Variants in PRR36 observed in about 807,000 individuals in gnomAD.
PRR36 encodes the protein proline-rich protein 36.
A neutral mutation model predicts 58.6 loss-of-function variants in PRR36; 30 were observed. That is an observed-to-expected ratio of 0.51 (90% CI 0.38 to 0.69). The LOEUF is 0.69. PRR36 is among the 30% of genes least tolerant of loss of function. The probability of loss-of-function intolerance (pLI) is 0.00; values close to 1 mark genes in which losing one functional copy is unlikely to be tolerated. For missense variants in PRR36, 1,692 were observed against 1,805.6 expected (o/e 0.94, Z 1.14); for synonymous variants, 771 against 829.3 (o/e 0.93, Z 1.21).
In PRR36 at chr19:7,871,311, G is replaced by T. The variant is rs1016441321; in HGVS notation, c.1933C>A (p.Arg645=). The T allele has an allele frequency of 2.6e-6, 4 of 1,529,808 alleles. No homozygotes were observed. The African/African-American group carries it at 5.5e-5, about 21-fold the overall frequency. The allele number at this position is 1,529,808 out of a possible 1,614,324, so 94.8% of individuals were successfully genotyped here. ...GAATCAGGGGGAGTAGAGGCCGGCC[G>T]AGAAGGTGAGATCAAAGAAGCTTGG... ...QTQASLISPS[R]PASTPPDSPP... is the part of the protein sequence containing the mutation. The change falls in exon 5 of 6, where the codon CGG becomes AGG. Residue 645 remains arginine, a synonymous_variant. Transcript: ENST00000618550.
Position 7,870,749 on chromosome 19 carries a change from G to A in PRR36, c.2495C>T (p.Pro832Leu), listed in dbSNP as rs539871053. The A allele has an allele frequency of 1.3e-4, 181 of 1,407,396 alleles. 1 individual carries two copies. In the Middle Eastern group the frequency reaches 1.7e-3, roughly 13 times the overall value. 87.2% of individuals were successfully genotyped at this position (1,407,396 alleles called of 1,614,324 possible). Residue 832 changes from proline to leucine, a missense_variant, in exon 5 of 6, where the codon CCT becomes CTT. Pro to Leu is a moderately conservative substitution (Grantham distance 98). This residue lies in a region of PRR36 where 171 missense variants were observed against 146.2 expected (regional missense o/e 1.17). Transcript: ENST00000618550. The part of the protein sequence containing the change: ...SPPLQGLPSP[P>L]LSPLATPPPQ... The stretch of plus-strand genomic sequence containing the variant: ...AGGGGGCGTGGCCAAAGGAGACAGA[G>A]GGGGAGAGGGCAGGCCCTGCAAAGG...
Position 7,870,863 on chromosome 19 carries a change from G to A in PRR36, c.2381C>T (p.Pro794Leu). Residue 794 changes from proline (P) to leucine (L), a missense_variant, in exon 5 of 6, where the codon CCA becomes CTA. This residue lies in a region of PRR36 where 171 missense variants were observed against 146.2 expected (regional missense o/e 1.17). Transcript: ENST00000618550. ...PCPAPCPLQA[P>L]PSPLTTPPPE... The stretch of plus-strand genomic sequence containing the variant: ...AGGGGGCGTGGTCAATGGCGAAGGT[G>A]GTGCTTGCAGAGGGCATGGGGCTGG... 14 of 1,445,464 alleles carry A rather than the reference G, an allele frequency of 9.7e-6. No individual in the cohort carries two copies. The highest frequency in any genetic ancestry group is 4.4e-5 in the South Asian group (3 of 68,454). The allele number at this position is 1,445,464 out of a possible 1,614,324, so 89.5% of individuals were successfully genotyped here.
chr19:7,872,693 C>T lies in PRR36; in HGVS notation c.551G>A (p.Gly184Asp). ...TGGCCGGGGGAGCCCCACCTCGGTG[C>T]CCGCAGCCCGGGACCGACGGGCCAT... The part of the protein sequence containing the change: ...PAMARRSRAA[G>D]TEVGLPRPAP... Residue 184 changes from glycine (G) to aspartate (D), a missense_variant, in exon 5 of 6, where the codon GGC becomes GAC. By Grantham distance (94) the Gly-to-Asp change is moderately conservative (BLOSUM62 -1). Around this residue, in one of 5 missense-constraint regions of PRR36, gnomAD observed 975 missense variants for 955.2 expected, o/e 1.02. Transcript: ENST00000618550. The surrounding 1 kb of genome is among the most constrained non-coding windows in gnomAD (Gnocchi z 6.1). 2 of 1,447,788 alleles carry T rather than the reference C, an allele frequency of 1.4e-6. No individual in the cohort carries two copies. Among genetic ancestry groups the T allele is most frequent in the Non-Finnish European group, 1.8e-6 (2 of 1,105,632 alleles). 89.7% of individuals were successfully genotyped at this position (1,447,788 alleles called of 1,614,324 possible).
Position 7,871,470 on chromosome 19 carries a change from G to A in PRR36, c.1774C>T (p.His592Tyr). 1 of 1,535,606 alleles carries A rather than the reference G, an allele frequency of 6.5e-7. No individual in the cohort carries two copies. The change falls in exon 5 of 6, where the codon CAT becomes TAT. Residue 592 changes from histidine (H) to tyrosine (Y), a missense_variant. Coordinates refer to ENST00000618550, the MANE Select transcript of PRR36 (RefSeq NM_001190467.2). Reference protein sequence around the residue: ...LQTIPPIQVPHSLTSPSLQAP... With the variant: ...LQTIPPIQVPYSLTSPSLQAP... ...TGCAGAGACGGTGAGGTCAGAGAATGTGGGACCTGTATTGGGGGAATGGTC... is the reference window on the plus strand; with the variant it reads ...TGCAGAGACGGTGAGGTCAGAGAATATGGGACCTGTATTGGGGGAATGGTC...
Position 7,871,258 on chromosome 19 carries a change from A to T in PRR36, c.1986T>A (p.Leu662=). 6.8e-7 allele frequency: 1 copy of T among 1,460,834 alleles called. No homozygotes were observed. The highest frequency in any genetic ancestry group is 1.2e-5 in the South Asian group (1 of 82,400). The allele number at this position is 1,460,834 out of a possible 1,614,324, so 90.5% of individuals were successfully genotyped here. A position where few individuals can be genotyped will look rare whatever the true frequency, so the allele number is the denominator to read the frequency against. The stretch of plus-strand genomic sequence containing the variant: ...AAGTCTGCAGAGGGGGTGAGGCAGG[A>T]AGGGAAAGAGGGGCCTGCAGAGGGG... ...DSPPLQAPLS[L]PASPPLQTSL... Residue 662 remains leucine, a synonymous_variant, in exon 5 of 6, where the codon CTT becomes CTA. Coordinates refer to ENST00000618550, the MANE Select transcript of PRR36 (RefSeq NM_001190467.2).
rs531574127 is a variant in PRR36, at chr19:7,869,025, G to T, written c.*8C>A. On this transcript the variant is annotated 3_prime_UTR_variant, in exon 6 of 6. Coordinates refer to ENST00000618550, the MANE Select transcript of PRR36 (RefSeq NM_001190467.2). The stretch of plus-strand genomic sequence containing the variant: ...GGTGGGGTGTAGCAGGCGGGGCTGT[G>T]GTCTGGCTCAGTGGAAGGTCTCCAC... 421 of 1,506,512 alleles carry T rather than the reference G, an allele frequency of 2.8e-4. 3 individuals carry two copies. In the African/African-American group the frequency reaches 5.5e-3, roughly 20 times the overall value. 93.3% of individuals were successfully genotyped at this position (1,506,512 alleles called of 1,614,324 possible). A position where few individuals can be genotyped will look rare whatever the true frequency, so the allele number is the denominator to read the frequency against.
chr19:7,872,700 C>T lies in PRR36; in HGVS notation c.544G>A (p.Ala182Thr). The change falls in exon 5 of 6, where the codon GCT (alanine) becomes ACT (threonine). Residue 182 changes from alanine to threonine, a missense_variant. Ala to Thr is a moderately conservative substitution (Grantham distance 58). This residue lies in a region of PRR36 where 975 missense variants were observed against 955.2 expected (regional missense o/e 1.02). Coordinates refer to ENST00000618550, the MANE Select transcript of PRR36 (RefSeq NM_001190467.2). This position sits in a 1 kb window ranked among gnomAD's most constrained non-coding sequence, Gnocchi z 6.1. Reference protein sequence around the residue: ...PSPAMARRSRAAGTEVGLPRP... With the variant: ...PSPAMARRSRTAGTEVGLPRP... ...GGGAGCCCCACCTCGGTGCCCGCAG[C>T]CCGGGACCGACGGGCCATGGCCGGG... is the stretch of plus-strand genomic sequence containing the variant. 6.9e-7 allele frequency: 1 copy of T among 1,448,864 alleles called. No homozygotes were observed. Among genetic ancestry groups the T allele is most frequent in the African/African-American group, 1.4e-5 (1 of 70,014 alleles). 89.8% of individuals were successfully genotyped at this position (1,448,864 alleles called of 1,614,324 possible).
Position 7,872,140 on chromosome 19 carries a change from C to T in PRR36, c.1104G>A (p.Thr368=). Residue 368 remains threonine, a synonymous_variant, in exon 5 of 6, where the codon ACG becomes ACA. Transcript: ENST00000618550. This position sits in a 1 kb window ranked among gnomAD's most constrained non-coding sequence, Gnocchi z 6.1. ...HSSSLTCQLA[T]PLPLAPPSPS... is the part of the protein sequence containing the mutation. Reference sequence around the variant, plus strand: ...GAGAAGGAGGGGCTAGAGGAAGGGGCGTGGCCAACTGACAGGTAAGGCTCG... The same window carrying T: ...GAGAAGGAGGGGCTAGAGGAAGGGGTGTGGCCAACTGACAGGTAAGGCTCG... The T allele has an allele frequency of 6.7e-7, 1 of 1,486,452 alleles. No homozygotes were observed. 92.1% of individuals were successfully genotyped at this position (1,486,452 alleles called of 1,614,324 possible).
In PRR36 at chr19:7,872,080, A is replaced by T; in HGVS notation, c.1164T>A (p.Ser388=). ...CTTGCGAGGGGGGCGTGGCTGGTGG[A>T]GAGGGGAGGGTCTGCAGAGAAGGTG... ...SAPPSLQTLP[S]PPATPPSQVP... Residue 388 remains serine (S), a synonymous_variant, in exon 5 of 6, where the codon TCT becomes TCA. Coordinates refer to ENST00000618550, the MANE Select transcript of PRR36 (RefSeq NM_001190467.2). This position sits in a 1 kb window ranked among gnomAD's most constrained non-coding sequence, Gnocchi z 6.1. 2.6e-6 allele frequency: 4 copies of T among 1,532,310 alleles called. No individual in the cohort carries two copies. Among genetic ancestry groups the T allele is most frequent in the Non-Finnish European group, 3.5e-6 (4 of 1,145,830 alleles). 94.9% of individuals were successfully genotyped at this position (1,532,310 alleles called of 1,614,324 possible). A position where few individuals can be genotyped will look rare whatever the true frequency, so the allele number is the denominator to read the frequency against.
At position 7,870,589 on chromosome 19, in the gene PRR36, G is replaced by C. The variant is rs1055479537; in HGVS notation, c.2655C>G (p.Ala885=). 5.5e-6 allele frequency: 7 copies of C among 1,261,316 alleles called. No homozygotes were observed. In the African/African-American group the frequency reaches 1.2e-4, roughly 22 times the overall value. 78.1% of individuals were successfully genotyped at this position (1,261,316 alleles called of 1,614,324 possible). The change falls in exon 5 of 6, where the codon GCC becomes GCG. Residue 885 remains alanine, a synonymous_variant. Coordinates refer to ENST00000618550, the MANE Select transcript of PRR36 (RefSeq NM_001190467.2). The part of the protein sequence containing the change: ...PNALAVHLLQ[A]PFSPPPSPPV... ...GGGGTGAGGGAGGGGGAGAGAAAGG[G>C]GCCTGCAGAAGGTGCACTGCCAGAG...
rs548067804 is a variant in PRR36 at position 7,869,105 on chromosome 19, G to A, written c.3969C>T (p.Thr1323=). Residue 1323 remains threonine, a synonymous_variant, in exon 6 of 6, where the codon ACC becomes ACT. Coordinates refer to ENST00000618550, the MANE Select transcript of PRR36 (RefSeq NM_001190467.2). The stretch of plus-strand genomic sequence containing the variant: ...AGGCCACGTCGTCCGGAGAGAAGCT[G>A]GTGACCGAGGTGATGCTGGCACGGG... ...DESRASITSV[T]SFSPDDVASP... 9 of 1,535,142 alleles carry A rather than the reference G, an allele frequency of 5.9e-6. No individual in the cohort carries two copies. In the African/African-American group the frequency reaches 6.8e-5, roughly 12 times the overall value.
rs1232767581 is a variant in PRR36, at chr19:7,872,464, G to T, written c.780C>A (p.Arg260=). 2 of 1,463,050 alleles carry T rather than the reference G, an allele frequency of 1.4e-6. No individual in the cohort carries two copies. Among genetic ancestry groups the T allele is most frequent in the Non-Finnish European group, 1.8e-6 (2 of 1,114,530 alleles). The allele number at this position is 1,463,050 out of a possible 1,614,324, so 90.6% of individuals were successfully genotyped here. Residue 260 remains arginine (R), a synonymous_variant, in exon 5 of 6, where the codon CGC becomes CGA. Coordinates refer to ENST00000618550, the MANE Select transcript of PRR36 (RefSeq NM_001190467.2). The surrounding 1 kb of genome is among the most constrained non-coding windows in gnomAD (Gnocchi z 6.1). ...SSPARSGPSA[R]GTPRAPAHPS... ...GATGCGCAGGAGCCCTGGGTGTTCC[G>T]CGGGCTGAGGGCCCAGAACGGGCTG... is the stretch of plus-strand genomic sequence containing the variant.
In PRR36 at chr19:7,869,138, C is replaced by T; in HGVS notation, c.3936G>A (p.Leu1312=). The change falls in exon 6 of 6, where the codon CTG becomes CTA. Residue 1312 remains leucine (L), a synonymous_variant. Coordinates refer to ENST00000618550, the MANE Select transcript of PRR36 (RefSeq NM_001190467.2). The part of the protein sequence containing the change: ...LGRWAELLSP[L]DESRASITSV... ...AGGTGATGCTGGCACGGGACTCGTC[C>T]AGGGGAGACAGTAGTTCGGCCCAGC... 1 of 1,535,328 alleles carries T rather than the reference C, an allele frequency of 6.5e-7. No individual in the cohort carries two copies. The highest frequency in any genetic ancestry group is 8.7e-7 in the Non-Finnish European group (1 of 1,146,658).
Position 7,870,001 on chromosome 19 carries a change from CG to C in PRR36, c.3242del (p.Pro1081ArgfsTer14). ...SPTLQAPRRP[P>X]TPGPDTSVSG... ...AGACGGAGGTATCCGGACCCGGGGTCGGGGGGCGGCGTGGGGCCTGCAGGGT... is the reference window on the plus strand; with the variant it reads ...AGACGGAGGTATCCGGACCCGGGGTCGGGGGCGGCGTGGGGCCTGCAGGGT... On this transcript the variant is annotated frameshift_variant, in exon 5 of 6. Transcript: ENST00000618550. LOFTEE classifies it high-confidence loss of function. 2.2e-6 allele frequency: 3 copies of C among 1,336,002 alleles called. No homozygotes were observed. The highest frequency in any genetic ancestry group is 3.1e-5 in the South Asian group (2 of 63,644). 82.8% of individuals were successfully genotyped at this position (1,336,002 alleles called of 1,614,324 possible). A position where few individuals can be genotyped will look rare whatever the true frequency, so the allele number is the denominator to read the frequency against.
Position 7,869,531 on chromosome 19 carries a change from CG to C in PRR36, c.3542del (p.Pro1181ArgfsTer81), listed in dbSNP as rs1980275514. The C allele has an allele frequency of 6.6e-7, 1 of 1,517,670 alleles. No individual in the cohort carries two copies. Among genetic ancestry groups the C allele is most frequent in the African/African-American group, 1.4e-5 (1 of 70,214 alleles). The allele number at this position is 1,517,670 out of a possible 1,614,324, so 94.0% of individuals were successfully genotyped here. Reference sequence around the variant, plus strand: ...AGCCCGGTCCGGTAGCGGGAGGCCACGGCAGGGGCGCACCTGCGGGGAGAGA... The same window carrying C: ...AGCCCGGTCCGGTAGCGGGAGGCCACGCAGGGGCGCACCTGCGGGGAGAGA... ...AFRGAPGAPL[P>X]WPPATGPGSA... On this transcript the variant is annotated frameshift_variant, in exon 6 of 6. Transcript: ENST00000618550. LOFTEE classifies it low-confidence loss of function (END_TRUNC).
Position 7,872,547 on chromosome 19 carries a change from C to T in PRR36, c.697G>A (p.Gly233Ser), listed in dbSNP as rs772163433. ...AARRRPSAGG[G>S]LQRPASRSLS... ...GAGCGCGAGGCCGGCCTCTGGAGAC[C>T]CCCACCGGCGCTGGGCCGCCTCCTG... The change falls in exon 5 of 6, where the codon GGT becomes AGT. Residue 233 changes from glycine (G) to serine (S), a missense_variant. Physicochemically the swap from Gly to Ser is moderately conservative, Grantham distance 56. Coordinates refer to ENST00000618550, the MANE Select transcript of PRR36 (RefSeq NM_001190467.2). The surrounding 1 kb of genome is among the most constrained non-coding windows in gnomAD (Gnocchi z 6.1). 1 of 1,521,130 alleles carries T rather than the reference C, an allele frequency of 6.6e-7. No individual in the cohort carries two copies. Among genetic ancestry groups the T allele is most frequent in the South Asian group, 1.2e-5 (1 of 82,220 alleles). 94.2% of individuals were successfully genotyped at this position (1,521,130 alleles called of 1,614,324 possible).
Position 7,871,524 on chromosome 19 carries a change from G to A in PRR36, c.1720C>T (p.Pro574Ser), listed in dbSNP as rs761881755. Residue 574 changes from proline (P) to serine (S), a missense_variant, in exon 5 of 6, where the codon CCC becomes TCC. Pro to Ser is a moderately conservative substitution (Grantham distance 74, BLOSUM62 -1). Transcript: ENST00000618550. ...HPQAPPSMTTPPMQAPPSLQT... is the reference protein window; with the variant it reads ...HPQAPPSMTTSPMQAPPSLQT... ...AGAGAGGGCGGGGCCTGCATAGGGG[G>A]CGTAGTCATAGAAGGTGGGGCCTGT... is the stretch of plus-strand genomic sequence containing the variant. 4 of 1,534,532 alleles carry A rather than the reference G, an allele frequency of 2.6e-6. No homozygotes were observed. The highest frequency in any genetic ancestry group is 4.9e-5 in the East Asian group (2 of 40,884).
Position 7,869,063 on chromosome 19 carries a change from C to G in PRR36, c.4011G>C (p.Trp1337Cys). 2 of 1,532,674 alleles carry G rather than the reference C, an allele frequency of 1.3e-6. No homozygotes were observed. Among genetic ancestry groups the G allele is most frequent in the Non-Finnish European group, 8.7e-7 (1 of 1,145,480 alleles). 94.9% of individuals were successfully genotyped at this position (1,532,674 alleles called of 1,614,324 possible). A position where few individuals can be genotyped will look rare whatever the true frequency, so the allele number is the denominator to read the frequency against. ...GGAAGGTCTCCACCTCCACCACGGT[C>G]CAGTCACCCTGCGGGGAGGCCACGT... Reference protein sequence around the residue: ...PDDVASPQGDWTVVEVETFH With the variant: ...PDDVASPQGDCTVVEVETFH Residue 1337 changes from tryptophan to cysteine, a missense_variant, in exon 6 of 6, where the codon TGG becomes TGC. Physicochemically the swap from Trp to Cys is radical, Grantham distance 215. Coordinates refer to ENST00000618550, the MANE Select transcript of PRR36 (RefSeq NM_001190467.2).
At position 7,872,501 on chromosome 19, in the gene PRR36, G is replaced by T; in HGVS notation, c.743C>A (p.Pro248His). 2.0e-6 allele frequency: 3 copies of T among 1,494,130 alleles called. No individual in the cohort carries two copies. The highest frequency in any genetic ancestry group is 5.0e-5 in the East Asian group (2 of 39,856). 92.6% of individuals were successfully genotyped at this position (1,494,130 alleles called of 1,614,324 possible). The change falls in exon 5 of 6, where the codon CCT becomes CAT. Residue 248 changes from proline (P) to histidine (H), a missense_variant. By Grantham distance (77) the Pro-to-His change is moderately conservative. Around this residue, in one of 5 missense-constraint regions of PRR36, gnomAD observed 975 missense variants for 955.2 expected, o/e 1.02. Coordinates refer to ENST00000618550, the MANE Select transcript of PRR36 (RefSeq NM_001190467.2). This position sits in a 1 kb window ranked among gnomAD's most constrained non-coding sequence, Gnocchi z 6.1. ...CCCAGAACGGGCTGGGGAGGAGAGAGGGGTGGCGCTGGAGCTCAGGGAGCG... is the reference window on the plus strand; with the variant it reads ...CCCAGAACGGGCTGGGGAGGAGAGATGGGTGGCGCTGGAGCTCAGGGAGCG... ...ASRSLSSSAT[P>H]LSSPARSGPS...
Sources: gnomAD v4.1 joint callset for allele counts on GRCh38, gnomAD v4.1.1 for gene constraint, gnomAD v4.1.1 regional missense constraint, Gnocchi (gnomAD v3.1) non-coding constraint, MANE v1.5 for transcripts, NCBI Gene and HGNC (gene_info 2026-07-23, HGNC 2026-07-21) for gene names.